Variants in LY96 observed in about 807,000 individuals in gnomAD.
LY96 encodes myeloid differentiation protein-2.
In LY96, 18 loss-of-function variants were observed where a neutral mutation model predicts 18.9. The ratio of observed to expected loss-of-function variants is 0.95; its 90% confidence interval spans 0.66 to 1.41. LY96 has a LOEUF of 1.41. Ranked by LOEUF, LY96 falls within the 40% of genes most tolerant of loss-of-function variation. LY96 has a pLI of 0.00. For missense variants in LY96, 175 were observed against 182.4 expected, an observed-to-expected ratio of 0.96 and a Z score of 0.23; for synonymous variants, 66 against 62.6, an observed-to-expected ratio of 1.06 and a Z score of -0.26.
intron 1 of LY96, among the ~76,000 whole-genome samples, chr8:73,997,175 A>G (rs976972407): frequency 2.0e-5 from 3 of 152,300 alleles, no homozygotes; most frequent in Admixed American, 2.0e-4. Flanking sequence ...GTTTCTGTCT[A>G]AGTCTTCTCC....
At chr8:73,998,512 CA>C (rs1413397561) in intron 1 of LY96, among the ~76,000 whole-genome samples, 1 of 151,236 alleles carries the variant, frequency 6.6e-6, no homozygotes, top group Non-Finnish European at 1.5e-5. Context: ...CCCATCTCTA[CA>C]AAAAAATGAA....
At chr8:73,998,133 T>C (rs1384438486) in intron 1 of LY96, among the ~76,000 whole-genome samples, 1 of 152,038 alleles carries the variant, frequency 6.6e-6, no homozygotes, top group South Asian at 2.1e-4. Context: ...AAGTTACCAT[T>C]AGAAAAAAAG....
the LY96 span, among the ~76,000 whole-genome samples, chr8:74,090,442 A>G: frequency 1.3e-5 from 2 of 152,358 alleles, no homozygotes; most frequent in South Asian, 4.1e-4. Flanking sequence ...CTTATAATAG[A>G]GCTATAAGAA....
intron 1 of LY96, among the ~76,000 whole-genome samples, chr8:73,993,760 G>T (rs1241299321): frequency 6.6e-6 from 1 of 151,858 alleles, no homozygotes; most frequent in African/African-American, 2.4e-5. Flanking sequence ...TAATTTTTTT[G>T]TAGAGATGGA....
chr8:74,038,491 CG>C, the LY96 span, among the ~76,000 whole-genome samples: 8 of 152,070 alleles, frequency 5.3e-5, no homozygotes, highest in African/African-American at 1.7e-4. Context: ...TAATGACCTC[CG>C]GTTCCATTCA....
the LY96 span, among the ~76,000 whole-genome samples, chr8:74,096,690 G>C: frequency 2.0e-5 from 3 of 152,092 alleles, no homozygotes; most frequent in Admixed American, 6.5e-5. Context: ...AATCTTCATG[G>C]GGGCGGGGAC....
chr8:73,992,289 G>A (rs2131246788), intron 1 of LY96, among the ~76,000 whole-genome samples: 1 of 152,200 alleles, frequency 6.6e-6, no homozygotes, highest in Middle Eastern at 3.4e-3. Context: ...TTTTGGTTCG[G>A]TACTTTCCAC....
the LY96 span, among the ~76,000 whole-genome samples, chr8:74,057,042 A>G: frequency 6.6e-6 from 1 of 152,232 alleles, no homozygotes; most frequent in African/African-American, 2.4e-5. Flanking sequence ...CCCCAAGCAC[A>G]GACTCCTAGC....
At chr8:74,054,617 C>CTTCTTTTT in the LY96 span, among the ~76,000 whole-genome samples, 10 of 70,172 alleles carry the variant, frequency 1.4e-4, no homozygotes, top group African/African-American at 5.4e-4. Flanking sequence ...TTTCCTTTTC[C>CTTCTTTTT]TTCTTTCTTT....
the LY96 span, among the ~76,000 whole-genome samples, chr8:74,035,081 A>G: frequency 2.0e-5 from 3 of 152,214 alleles, no homozygotes; most frequent in Non-Finnish European, 4.4e-5. Context: ...GTTTCAGAAC[A>G]ATGTTTATAT....
intron 1 of LY96, 92 bp downstream of exon 1, chr8:73,991,646 C>T (rs1010944536): frequency 1.8e-5 from 14 of 794,040 alleles, no homozygotes; most frequent in Non-Finnish European, 2.4e-5. Context: ...CTGGAACACA[C>T]GAAACATCAG....
chr8:74,086,044 C>T, the LY96 span, among the ~76,000 whole-genome samples: 1 of 152,194 alleles, frequency 6.6e-6, no homozygotes, highest in East Asian at 1.9e-4. Flanking sequence ...TCCCCAACCA[C>T]CCCCCTCCCA....
At chr8:74,094,980 G>C in the LY96 span, among the ~76,000 whole-genome samples, 4 of 152,238 alleles carry the variant, frequency 2.6e-5, no homozygotes, top group African/African-American at 7.2e-5. Flanking sequence ...GAAAGAGCAG[G>C]TTTGGCCTTG....
chr8:74,017,195 G>T (rs938620688), intron 3 of LY96, among the ~76,000 whole-genome samples: 2 of 152,200 alleles, frequency 1.3e-5, no homozygotes, highest in Non-Finnish European at 2.9e-5. Context: ...AAACAGTGTA[G>T]AGAAGACCTT....
At chr8:74,040,012 A>G in the LY96 span, among the ~76,000 whole-genome samples, 16 of 152,164 alleles carry the variant, frequency 1.1e-4, no homozygotes, top group African/African-American at 3.9e-4. Context: ...AGGCACTGGC[A>G]TTACCGCTTG....
intron 3 of LY96, among the ~76,000 whole-genome samples, chr8:74,017,463 G>A (rs1276565388): frequency 6.6e-6 from 1 of 152,218 alleles, no homozygotes; most frequent in Non-Finnish European, 1.5e-5. Context: ...ATGGAACCAA[G>A]CTGGAAAACA....
At chr8:74,009,872 T>C (rs1407223437) in intron 2 of LY96, 129 bp from the exon 3 acceptor site, 2 of 698,544 alleles carry the variant, frequency 2.9e-6, no homozygotes, top group African/African-American at 1.8e-5. Flanking sequence ...ATCTTGTAGA[T>C]AGTTGTGATG....
chr8:74,027,177 C>T (rs1156389124), intron 4 of LY96, among the ~76,000 whole-genome samples: 3 of 151,372 alleles, frequency 2.0e-5, no homozygotes, highest in Non-Finnish European at 3.0e-5. Context: ...TGAGCTCAAG[C>T]GATCCACTCC....
chr8:74,038,477 A>G, the LY96 span, among the ~76,000 whole-genome samples: 1 of 152,238 alleles, frequency 6.6e-6, no homozygotes, highest in South Asian at 2.1e-4. Flanking sequence ...TATTTCAATT[A>G]GCATAATGAC....
Sources: allele counts gnomAD v4.1 joint callset (sites outside exome capture counted in the v4.1 genomes callset), GRCh38; gene constraint gnomAD v4.1.1; transcripts MANE v1.5; gene names NCBI Gene and HGNC (gene_info 2026-07-23, HGNC 2026-07-21).